The following ATP10B variants were observed in gnomAD, a reference collection of about 807,000 sequenced individuals.
ATP10B encodes ATPase phospholipid transporting 10B (putative).
Under a neutral mutation model 141.2 loss-of-function variants are expected in ATP10B, and 122 were observed. That is an observed-to-expected ratio of 0.86 (90% CI 0.75 to 1.00). The LOEUF (loss-of-function observed/expected upper bound fraction) is 1.00, where lower values mean the gene tolerates loss of function less well. ATP10B is among the 50% of genes least tolerant of loss of function. ATP10B has a pLI of 0.00. For synonymous variants in ATP10B, 685 were observed against 692.0 expected (o/e 0.99, Z 0.16); for missense variants, 1,876 against 1,825.3 (o/e 1.03, Z -0.51).
rs183826088 is a variant in ATP10B at position 160,598,787 on chromosome 5, T to G, written c.3547A>C (p.Ser1183Arg). 2.4e-5 allele frequency: 38 copies of G among 1,614,110 alleles called. No homozygotes were observed. In the East Asian group the frequency reaches 7.4e-4, roughly 31 times the overall value. ...CTCCTTACCTCAGAGTTCTGGCCACTCTTGTATAGCTCAGGCAATGCCAGG... is the reference window on the plus strand; with the variant it reads ...CTCCTTACCTCAGAGTTCTGGCCACGCTTGTATAGCTCAGGCAATGCCAGG... ...TLLALPELYK[S>R]GQNSECYNLS... The change falls in exon 22 of 26, where the codon AGT becomes CGT. Residue 1183 changes from serine (S) to arginine (R), a missense_variant. Coordinates refer to ENST00000327245, the MANE Select transcript of ATP10B (RefSeq NM_025153.3).
chr5:160,619,787 G>A (rs1363499545), intron 15 of ATP10B, among the ~76,000 whole-genome samples: 1 of 152,190 alleles, frequency 6.6e-6, no homozygotes, highest in Non-Finnish European at 1.5e-5. Flanking sequence ...CCATCTGGGG[G>A]AGGCTGGGGA....
chr5:160,754,045 C>G (rs1041758646), intron 2 of ATP10B, among the ~76,000 whole-genome samples: 3 of 152,180 alleles, frequency 2.0e-5, no homozygotes, highest in Non-Finnish European at 4.4e-5. Context: ...CCAAGCTAAA[C>G]TTCATATAGC....
At chr5:160,571,485 G>C (rs1409902779) in intron 24 of ATP10B, among the ~76,000 whole-genome samples, 1 of 152,056 alleles carries the variant, frequency 6.6e-6, no homozygotes, top group Non-Finnish European at 1.5e-5. Flanking sequence ...AGTAAACATA[G>C]ATTTTCCTTT....
At chr5:160,892,186 AC>A in the ATP10B span, among the ~76,000 whole-genome samples, 10 of 152,128 alleles carry the variant, frequency 6.6e-5, no homozygotes, top group African/African-American at 2.4e-4. Flanking sequence ...TTAGACTAAA[AC>A]CCAAGCTCCA....
At chr5:160,708,354 T>G (rs1399227786) in intron 3 of ATP10B, among the ~76,000 whole-genome samples, 1 of 152,212 alleles carries the variant, frequency 6.6e-6, no homozygotes, top group African/African-American at 2.4e-5. Context: ...TATTCTGTCC[T>G]TTCATGAGAG....
intron 2 of ATP10B, among the ~76,000 whole-genome samples, chr5:160,734,106 C>CCA (rs1766942918): frequency 1.5e-5 from 1 of 67,924 alleles, no homozygotes; most frequent in Non-Finnish European, 2.8e-5. Flanking sequence ...GACTCCATCT[C>CCA]AAAAAAAAAA....
intron 18 of ATP10B, chr5:160,612,013 G>A (rs1757746267): frequency 6.6e-6 from 1 of 152,206 alleles, no homozygotes; most frequent in Non-Finnish European, 1.5e-5. Context: ...TCAAAACGGT[G>A]TTATAGCTTT....
At chr5:160,817,374 C>T (rs1206956368) in intron 1 of ATP10B, among the ~76,000 whole-genome samples, 1 of 152,110 alleles carries the variant, frequency 6.6e-6, no homozygotes, top group Non-Finnish European at 1.5e-5. Flanking sequence ...AACAGAGAGC[C>T]AAATCATGAG....
chr5:160,821,541 C>T (rs1161068699), intron 1 of ATP10B, among the ~76,000 whole-genome samples: 1 of 151,830 alleles, frequency 6.6e-6, no homozygotes, highest in Non-Finnish European at 1.5e-5. Flanking sequence ...CCATAAAAGA[C>T]CCAGAAGAAT....
the ATP10B span, among the ~76,000 whole-genome samples, chr5:160,879,607 G>A: frequency 5.3e-5 from 8 of 151,390 alleles, no homozygotes; most frequent in African/African-American, 1.7e-4. Flanking sequence ...GGGAGGCCAA[G>A]GTGGGTGGAC....
chr5:160,809,230 G>T (rs1001772384), intron 1 of ATP10B, among the ~76,000 whole-genome samples: 1 of 152,116 alleles, frequency 6.6e-6, no homozygotes, highest in South Asian at 2.1e-4. Flanking sequence ...AAAAATAAGA[G>T]AAAAATTCTT....
Position 160,606,758 on chromosome 5 carries a change from T to C in ATP10B, c.3160+7A>G, listed in dbSNP as rs1465079482. ...AAGTGCCACCCGCATCTCAGTATGA[T>C]GGGTACCTATGGAAAGGGTCATGAC... On this transcript the variant is annotated splice_region_variant and intron_variant, in intron 19 of 25. Coordinates refer to ENST00000327245, the MANE Select transcript of ATP10B (RefSeq NM_025153.3). The C allele has an allele frequency of 6.2e-7, 1 of 1,609,644 alleles. No individual in the cohort carries two copies. Among genetic ancestry groups the C allele is most frequent in the African/African-American group, 1.3e-5 (1 of 74,820 alleles).
At chr5:160,892,268 C>T in the ATP10B span, among the ~76,000 whole-genome samples, 2 of 152,176 alleles carry the variant, frequency 1.3e-5, no homozygotes, top group Non-Finnish European at 2.9e-5. Flanking sequence ...TATTCTCAGG[C>T]CTCTCCCAAT....
At chr5:160,890,706 TC>T in the ATP10B span, among the ~76,000 whole-genome samples, 1 of 152,156 alleles carries the variant, frequency 6.6e-6, no homozygotes. Flanking sequence ...TGAGTTGTTT[TC>T]ATTTTTTTTT....
chr5:160,732,669 A>G (rs1262339757), intron 2 of ATP10B, among the ~76,000 whole-genome samples: 2 of 152,100 alleles, frequency 1.3e-5, no homozygotes, highest in Admixed American at 1.3e-4. Flanking sequence ...GGCTGTTTTT[A>G]TACCAATACC....
rs187887090 is a variant in ATP10B, at chr5:160,626,777, C to A, written c.1621-4192G>T. On this transcript the variant is annotated intron_variant, in intron 13 of 25. Coordinates refer to ENST00000327245, the MANE Select transcript of ATP10B (RefSeq NM_025153.3). ...GCAAGGGTCTGTGTTACATGACAAC[C>A]CTACTGTTTTCATTCCTTTCTGGCT... is the stretch of plus-strand genomic sequence containing the variant. Among the ~76,000 whole-genome samples, 502 of 152,276 alleles carry A rather than the reference C, an allele frequency of 3.3e-3. 8 individuals are homozygous for A. Among genetic ancestry groups the A allele is most frequent in the African/African-American group, 0.012 (482 of 41,544 alleles).
At chr5:160,687,465 T>C (rs182975867) in intron 5 of ATP10B, among the ~76,000 whole-genome samples, 5 of 152,258 alleles carry the variant, frequency 3.3e-5, no homozygotes, top group Admixed American at 3.3e-4. Context: ...AAATACTTGT[T>C]TAAAATATGT....
chr5:160,923,511 T>C, the ATP10B span, among the ~76,000 whole-genome samples: 1 of 152,230 alleles, frequency 6.6e-6, no homozygotes, highest in African/African-American at 2.4e-5. Flanking sequence ...AGTGTTATCA[T>C]AAATGTGTGC....
chr5:160,574,290 T>C (rs1755054677), intron 24 of ATP10B, among the ~76,000 whole-genome samples: 2 of 151,962 alleles, frequency 1.3e-5, no homozygotes, highest in Non-Finnish European at 1.5e-5. Context: ...AAATATTAGC[T>C]GGGCTTGGTG....
Sources: gnomAD v4.1 joint callset for allele counts (sites outside exome capture counted in the v4.1 genomes callset) on GRCh38, gnomAD v4.1.1 for gene constraint, MANE v1.5 for transcripts, NCBI Gene and HGNC (gene_info 2026-07-23, HGNC 2026-07-21) for gene names.